ARNT2: variants seen among roughly 807,000 people sequenced by gnomAD.
The protein encoded by ARNT2 is aryl hydrocarbon receptor nuclear translocator 2.
In ARNT2, 36 loss-of-function variants were observed where a neutral mutation model predicts 91.7. That is an observed-to-expected ratio of 0.39 (90% CI 0.30 to 0.52). The LOEUF (loss-of-function observed/expected upper bound fraction) is 0.52. Among genes scored for constraint, ARNT2 ranks in the 20% least tolerant of loss-of-function variants. ARNT2 has a pLI of 0.72. For synonymous variants in ARNT2, 365 were observed against 347.1 expected, an observed-to-expected ratio of 1.05 and a Z score of -0.57; for missense variants, 775 against 939.3, an observed-to-expected ratio of 0.83 and a Z score of 2.29.
At chr15:80,422,407 C>G (rs942027161) in intron 1 of ARNT2, among the ~76,000 whole-genome samples, 2 of 152,182 alleles carry the variant, frequency 1.3e-5, no homozygotes, top group Admixed American at 6.5e-5. Flanking sequence ...TGCCAGACGA[C>G]AATACAATAT....
At chr15:80,441,431 G>T in intron 1 of ARNT2, 1 of 975,318 alleles carries the variant, frequency 1.0e-6, no homozygotes, top group Non-Finnish European at 1.2e-6. Context: ...TTCTAAGAGA[G>T]ATGAATATTG....
At chr15:80,479,396 C>T (rs1896853025) in intron 5 of ARNT2, among the ~76,000 whole-genome samples, 1 of 152,156 alleles carries the variant, frequency 6.6e-6, no homozygotes, top group Non-Finnish European at 1.5e-5. Context: ...CATGATCTGA[C>T]TTGTCTGCGA....
intron 1 of ARNT2, among the ~76,000 whole-genome samples, chr15:80,423,776 CAGAGAGAGAGAG>C (rs3054951): frequency 1.3e-5 from 2 of 148,510 alleles, no homozygotes; most frequent in Admixed American, 1.3e-4. Flanking sequence ...GAGAAAGAGG[CAGAGAGAGAGAG>C]AGAGAGAGAG....
intron 8 of ARNT2, among the ~76,000 whole-genome samples, chr15:80,525,354 ACT>A (rs1409610657): frequency 1.3e-5 from 2 of 152,086 alleles, no homozygotes; most frequent in Non-Finnish European, 2.9e-5. Context: ...GGCTATTAAT[ACT>A]CTGTTTCTTG....
At chr15:80,537,226 A>G (rs993869526) in intron 8 of ARNT2, among the ~76,000 whole-genome samples, 7 of 152,006 alleles carry the variant, frequency 4.6e-5, no homozygotes, top group Admixed American at 6.5e-5. Context: ...TATTATGGCC[A>G]TTTTTGCATC....
intron 1 of ARNT2, among the ~76,000 whole-genome samples, chr15:80,432,579 C>A (rs954173299): frequency 2.6e-5 from 4 of 152,130 alleles, no homozygotes; most frequent in Non-Finnish European, 5.9e-5. Flanking sequence ...GCCACAGAGA[C>A]CTTATGGCCT....
At position 80,569,130 on chromosome 15, in the gene ARNT2, G is replaced by GT. The variant is rs555814087; in HGVS notation, c.1317-5018_1317-5017insT. Among the ~76,000 whole-genome samples, 40 of 152,296 alleles carry GT rather than the reference G, an allele frequency of 2.6e-4. 2 individuals carry two copies. In the South Asian group the frequency reaches 8.1e-3, roughly 31 times the overall value. ...CAGTGTGCTTCCAGTTACTCCCAGG[G>GT]ACATGATTCCAGCTACCTCAGAATG... On this transcript the variant is annotated intron_variant, in intron 12 of 18. Transcript: ENST00000303329.
intron 5 of ARNT2, among the ~76,000 whole-genome samples, chr15:80,499,832 T>C (rs576276566): frequency 1.3e-5 from 2 of 152,316 alleles, no homozygotes; most frequent in Admixed American, 1.3e-4. Flanking sequence ...TTTTTTGACT[T>C]TCATAATGAA....
intron 1 of ARNT2, among the ~76,000 whole-genome samples, chr15:80,433,369 T>C (rs1896040205): frequency 6.6e-6 from 1 of 151,846 alleles, no homozygotes; most frequent in Non-Finnish European, 1.5e-5. Flanking sequence ...CACTGCAACC[T>C]CTGCCTCCCA....
intron 1 of ARNT2, among the ~76,000 whole-genome samples, chr15:80,419,142 C>T (rs1194228209): frequency 6.6e-6 from 1 of 152,136 alleles, no homozygotes; most frequent in Non-Finnish European, 1.5e-5. Flanking sequence ...GCAAACTTGA[C>T]CCAGGGATCA....
intron 5 of ARNT2, among the ~76,000 whole-genome samples, chr15:80,492,039 T>C (rs1421015346): frequency 6.6e-6 from 1 of 152,064 alleles, no homozygotes; most frequent in Non-Finnish European, 1.5e-5. Context: ...CTTCTTTCTT[T>C]CTTTCTTTCT....
intron 3 of ARNT2, among the ~76,000 whole-genome samples, chr15:80,460,228 T>G (rs1366132447): frequency 2.6e-5 from 4 of 152,198 alleles, no homozygotes; most frequent in Non-Finnish European, 4.4e-5. Context: ...CTTTTCCAGC[T>G]TTTTGCAAGG....
intron 8 of ARNT2, among the ~76,000 whole-genome samples, 171 bp downstream of exon 8, chr15:80,514,576 C>G (rs975334187): frequency 2.6e-5 from 4 of 152,196 alleles, no homozygotes; most frequent in Admixed American, 2.6e-4. Context: ...CTACTTGAAA[C>G]AAAGGTTTCT....
At chr15:80,531,056 A>G (rs557892896) in intron 8 of ARNT2, among the ~76,000 whole-genome samples, 1 of 152,344 alleles carries the variant, frequency 6.6e-6, no homozygotes, top group Non-Finnish European at 1.5e-5. Flanking sequence ...TATTCCTCTG[A>G]GAATACTTTG....
At chr15:80,560,577 G>A (rs6495506) in intron 11 of ARNT2, among the ~76,000 whole-genome samples, 125,548 of 152,144 alleles carry the variant, frequency 0.83, 52,031 homozygotes, top group East Asian at 0.99. Flanking sequence ...ATTTCACACT[G>A]TCTCGGGCGT....
intron 1 of ARNT2, among the ~76,000 whole-genome samples, chr15:80,416,607 G>A (rs1304115342): frequency 6.6e-6 from 1 of 150,850 alleles, no homozygotes; most frequent in Non-Finnish European, 1.5e-5. Context: ...CTTTAATTCT[G>A]GACTAATTTC....
At chr15:80,410,801 TATCTATCTATC>T (rs1317515262) in intron 1 of ARNT2, among the ~76,000 whole-genome samples, 1 of 120,674 alleles carries the variant, frequency 8.3e-6, no homozygotes, top group Non-Finnish European at 1.8e-5. Context: ...TCTATCTATC[TATCTATCTATC>T]ATCTATCTAC....
chr15:80,558,113 C>T (rs1268298875), intron 11 of ARNT2, among the ~76,000 whole-genome samples: 1 of 152,140 alleles, frequency 6.6e-6, no homozygotes, highest in Non-Finnish European at 1.5e-5. Flanking sequence ...CTTCACTCTT[C>T]ACATTACTGA....
chr15:80,591,109 G>T lies in ARNT2; in HGVS notation c.1919-459G>T, dbSNP rs1276827003. Among the ~76,000 whole-genome samples, 2 of 152,192 alleles carry T rather than the reference G, an allele frequency of 1.3e-5. No individual in the cohort carries two copies. Among genetic ancestry groups the T allele is most frequent in the Non-Finnish European group, 2.9e-5 (2 of 68,034 alleles). On this transcript the variant is annotated intron_variant, in intron 17 of 18. Transcript: ENST00000303329. This position sits in a 1 kb window ranked among gnomAD's most constrained non-coding sequence, Gnocchi z 5.1. ...GCCAGATGCCTTTCAAGAGCATTCG[G>T]TGGACCGAGAGGGAATCAGGAGCAG...
Sources: allele counts gnomAD v4.1 joint callset (sites outside exome capture counted in the v4.1 genomes callset), GRCh38; gene constraint gnomAD v4.1.1; non-coding constraint Gnocchi (gnomAD v3.1); transcripts MANE v1.5; gene names NCBI Gene and HGNC (gene_info 2026-07-23, HGNC 2026-07-21).